Variants in GLT8D2 observed in about 807,000 individuals in gnomAD.
The protein encoded by GLT8D2 is glycosyltransferase 8 domain containing 2.
A neutral mutation model predicts 44.5 loss-of-function variants in GLT8D2; 45 were observed. That is an observed-to-expected ratio of 1.01 (90% CI 0.80 to 1.30). GLT8D2 has a LOEUF of 1.30. GLT8D2 is among the 50% of genes most tolerant of loss of function. The pLI is 0.00. For synonymous variants in GLT8D2, 156 were observed against 157.2 expected, an observed-to-expected ratio of 0.99 and a Z score of 0.06; for missense variants, 400 against 430.4, an observed-to-expected ratio of 0.93 and a Z score of 0.62.
intron 1 of GLT8D2, among the ~76,000 whole-genome samples, chr12:104,023,898 C>T (rs754526169): frequency 6.6e-6 from 1 of 152,118 alleles, no homozygotes; most frequent in South Asian, 2.1e-4. Context: ...AATGGTATTC[C>T]GTTGAATGGA....
intron 3 of GLT8D2, among the ~76,000 whole-genome samples, chr12:104,015,754 C>T (rs939518691): frequency 2.0e-5 from 3 of 151,894 alleles, no homozygotes; most frequent in African/African-American, 7.3e-5. Context: ...GTAATCCCAG[C>T]ACTTTGGGAG....
At chr12:104,038,697 T>C (rs1474307001) in intron 1 of GLT8D2, among the ~76,000 whole-genome samples, 2 of 152,184 alleles carry the variant, frequency 1.3e-5, no homozygotes, top group Non-Finnish European at 2.9e-5. Context: ...GAAGAATTAA[T>C]ATCGTGAAAA....
rs547392677 is a variant in GLT8D2, at chr12:104,032,466, C to CAAAAAAAAAAAAAA, written c.-163-10989_-163-10976dup. Among the ~76,000 whole-genome samples the CAAAAAAAAAAAAAA allele has an allele frequency of 3.2e-4, 19 of 59,662 alleles. 1 individual carries two copies. The highest frequency in any genetic ancestry group is 8.7e-4 in the African/African-American group (13 of 14,996). The allele number at this position is 59,662 out of a possible 152,430, so 39.1% of individuals were successfully genotyped here. A position where few individuals can be genotyped will look rare whatever the true frequency, so the allele number is the denominator to read the frequency against. ...ATAATAAAGGAGTGATGTGCAATAG[C>CAAAAAAAAAAAAAA]AAAAAAAAAAAAAAAAAAAAAAAAA... On this transcript the variant is annotated intron_variant, in intron 1 of 10. Coordinates refer to ENST00000360814, the MANE Select transcript of GLT8D2 (RefSeq NM_001384711.1).
chr12:104,013,735 A>AT, intron 4 of GLT8D2, among the ~76,000 whole-genome samples: 1 of 152,150 alleles, frequency 6.6e-6, no homozygotes, highest in East Asian at 1.9e-4. Context: ...TGTGGAATAA[A>AT]TGTATGTAAC....
At chr12:103,994,237 A>T in intron 9 of GLT8D2, 98 bp downstream of exon 9, 1 of 1,160,178 alleles carries the variant, frequency 8.6e-7, no homozygotes, top group Non-Finnish European at 1.2e-6. Flanking sequence ...ACCTGAGATG[A>T]CTGTGAAATA....
chr12:104,054,550 T>C (rs911938879), upstream of GLT8D2, among the ~76,000 whole-genome samples: 9 of 151,844 alleles, frequency 5.9e-5, no homozygotes, highest in African/African-American at 1.9e-4. Flanking sequence ...ACTGATTTTA[T>C]TTCCTTTGGA....
chr12:104,025,067 CAAAAAAAAAAA>C (rs34885430), intron 1 of GLT8D2, among the ~76,000 whole-genome samples: 5 of 67,204 alleles, frequency 7.4e-5, no homozygotes, highest in African/African-American at 2.7e-4. Context: ...GAGACTTTGT[CAAAAAAAAAAA>C]AAAAAAAAAA....
At chr12:104,036,487 C>T (rs1241710323) in intron 1 of GLT8D2, among the ~76,000 whole-genome samples, 1 of 148,576 alleles carries the variant, frequency 6.7e-6, no homozygotes, top group African/African-American at 2.5e-5. Context: ...AAATGGAAAG[C>T]AAAAAAAAAG....
At chr12:104,037,680 G>A (rs1004797914) in intron 1 of GLT8D2, among the ~76,000 whole-genome samples, 2 of 152,088 alleles carry the variant, frequency 1.3e-5, no homozygotes, top group Non-Finnish European at 2.9e-5. Flanking sequence ...AAATGTCCAG[G>A]ACCAGATGGA....
chr12:104,057,344 G>C (rs1353450165), intron 1 of GLT8D2, among the ~76,000 whole-genome samples: 1 of 151,358 alleles, frequency 6.6e-6, no homozygotes, highest in African/African-American at 2.4e-5. Flanking sequence ...AACATAGGGA[G>C]ACCCCGTCTC....
rs1024434361 is a variant in GLT8D2, at chr12:104,021,918, G to C, written c.-163-427C>G. 3.9e-4 allele frequency among the ~76,000 whole-genome samples: 9 copies of C among 23,024 alleles called. No homozygotes were observed. The South Asian group carries it at 0.017, about 44-fold the overall frequency. 15.1% of individuals were successfully genotyped at this position (23,024 alleles called of 152,430 possible). A position where few individuals can be genotyped will look rare whatever the true frequency, so the allele number is the denominator to read the frequency against. ...AGAAGAAGAAGAAGAAGAAGAAGAA[G>C]AAGAAGAAGAAGAAGAAGAAGAAGA... On this transcript the variant is annotated intron_variant, in intron 1 of 10. Coordinates refer to ENST00000360814, the MANE Select transcript of GLT8D2 (RefSeq NM_001384711.1).
chr12:104,044,682 G>A (rs1355555825), intron 1 of GLT8D2, among the ~76,000 whole-genome samples: 1 of 152,084 alleles, frequency 6.6e-6, no homozygotes, highest in African/African-American at 2.4e-5. Context: ...TAGAATTTCT[G>A]TACACTGCCC....
intron 4 of GLT8D2, among the ~76,000 whole-genome samples, chr12:104,007,242 C>CTCTCTG (rs1875166692): frequency 1.4e-5 from 2 of 144,460 alleles, no homozygotes; most frequent in Non-Finnish European, 3.1e-5. Flanking sequence ...AGCTCTCTCT[C>CTCTCTG]TCTCTCTCTC....
chr12:104,027,313 G>A (rs1000740440), intron 1 of GLT8D2, among the ~76,000 whole-genome samples: 1 of 152,058 alleles, frequency 6.6e-6, no homozygotes, highest in Admixed American at 6.6e-5. Flanking sequence ...TCTAACTTTC[G>A]GGGATGATGG....
intron 1 of GLT8D2, among the ~76,000 whole-genome samples, chr12:104,062,243 T>C (rs1882719244): frequency 6.6e-6 from 1 of 151,864 alleles, no homozygotes; most frequent in Non-Finnish European, 1.5e-5. Flanking sequence ...CCGGCTAATT[T>C]TTGTATTTTT....
chr12:103,991,293 TCTC>T (rs1233981256), intron 10 of GLT8D2, among the ~76,000 whole-genome samples: 3 of 152,166 alleles, frequency 2.0e-5, no homozygotes, highest in East Asian at 1.9e-4. Context: ...TTTAGGCTAT[TCTC>T]CTGCATCAGC....
At chr12:104,042,055 T>G (rs1378103675) in intron 1 of GLT8D2, among the ~76,000 whole-genome samples, 2 of 152,260 alleles carry the variant, frequency 1.3e-5, no homozygotes, top group Admixed American at 6.5e-5. Flanking sequence ...GCAGCCTTGA[T>G]AGCTGGCTGA....
intron 1 of GLT8D2, chr12:104,030,918 A>G (rs1593558627): frequency 6.6e-7 from 1 of 1,516,690 alleles, no homozygotes; most frequent in Non-Finnish European, 9.1e-7. Flanking sequence ...GCGCTACGAG[A>G]TGCTGGCTAT....
chr12:104,060,740 T>C (rs757997232), intron 1 of GLT8D2, among the ~76,000 whole-genome samples: 19 of 152,202 alleles, frequency 1.2e-4, no homozygotes, highest in Non-Finnish European at 2.4e-4. Flanking sequence ...ATGGGAAACA[T>C]GGTAAAACCT....
Sources: gnomAD v4.1 joint callset for allele counts (sites outside exome capture counted in the v4.1 genomes callset) on GRCh38, gnomAD v4.1.1 for gene constraint, MANE v1.5 for transcripts, NCBI Gene and HGNC (gene_info 2026-07-23, HGNC 2026-07-21) for gene names.